The following ALKBH2 variants were observed in gnomAD, a reference collection of about 807,000 sequenced individuals.
ALKBH2 encodes DNA oxidative demethylase ALKBH2.
In ALKBH2, 19 loss-of-function variants were observed where a neutral mutation model predicts 19.7. The observed-to-expected ratio is 0.97, with a 90% CI of 0.67 to 1.42. ALKBH2 has a LOEUF of 1.42. Ranked by LOEUF, ALKBH2 falls within the 40% of genes most tolerant of loss-of-function variation. The pLI is 0.00. For missense variants in ALKBH2, 310 were observed against 328.5 expected, an observed-to-expected ratio of 0.94 and a Z score of 0.43; for synonymous variants, 135 against 131.2, an observed-to-expected ratio of 1.03 and a Z score of -0.20.
rs1555264109 is a variant in ALKBH2, at chr12:109,092,496, C to CCT, written c.280+9_280+10dup. 11 of 1,557,696 alleles carry CCT rather than the reference C, an allele frequency of 7.1e-6. No individual in the cohort carries two copies. The highest frequency in any genetic ancestry group is 9.6e-6 in the Non-Finnish European group (11 of 1,150,602). On this transcript the variant is annotated intron_variant, in intron 2 of 3. Coordinates refer to ENST00000429722, the MANE Select transcript of ALKBH2 (RefSeq NM_001145374.2). ...ATGCACACACACACACACACACACC[C>CCT]CTCTGCTTACCTGTAAAATATTCTA... is the stretch of plus-strand genomic sequence containing the variant.
chr12:109,091,255 G>A (rs993834277), intron 2 of ALKBH2, among the ~76,000 whole-genome samples: 11 of 152,280 alleles, frequency 7.2e-5, no homozygotes, highest in African/African-American at 2.6e-4. Flanking sequence ...GCTTGGTGGT[G>A]TACATCTGTG....
intron 2 of ALKBH2, chr12:109,092,139 TAAAC>T (rs1466657154): frequency 5.8e-6 from 1 of 172,520 alleles, no homozygotes; most frequent in Non-Finnish European, 1.2e-5. Flanking sequence ...GGAAGCTTTT[TAAAC>T]AAACAAGTGG....
In ALKBH2 at chr12:109,092,654, C is replaced by T. The variant is rs573894170; in HGVS notation, c.133G>A (p.Ala45Thr). The change falls in exon 2 of 4, where the codon GCC (alanine) becomes ACC (threonine). Residue 45 changes from alanine (A) to threonine (T), a missense_variant. Ala to Thr is a moderately conservative substitution (Grantham distance 58). Coordinates refer to ENST00000429722, the MANE Select transcript of ALKBH2 (RefSeq NM_001145374.2). ...GCTGAGTGGCCTCCATTCCCTGGGG[C>T]CTCTCTCCTGGGCCTCTTCCTTGTG... ...ESTRKRPRRE[A>T]PGNGGHSAGP... The T allele has an allele frequency of 6.2e-7, 1 of 1,613,854 alleles. No homozygotes were observed. The highest frequency in any genetic ancestry group is 1.1e-5 in the South Asian group (1 of 91,036).
Position 109,090,274 on chromosome 12 carries a change from C to T in ALKBH2, c.281-67G>A, listed in dbSNP as rs1264029616. 4.9e-6 allele frequency: 7 copies of T among 1,439,004 alleles called. No individual in the cohort carries two copies. The East Asian group carries it at 9.3e-5, about 19-fold the overall frequency. The allele number at this position is 1,439,004 out of a possible 1,614,324, so 89.1% of individuals were successfully genotyped here. A position where few individuals can be genotyped will look rare whatever the true frequency, so the allele number is the denominator to read the frequency against. On this transcript the variant is annotated intron_variant, in intron 2 of 3. Transcript: ENST00000429722. ...CATCTAGAAATCCAGATGCCCCCCC[C>T]AACCCGCACTGCCATCACCAGAAAT...
intron 2 of ALKBH2, among the ~76,000 whole-genome samples, chr12:109,091,534 GT>G (rs1157873045): frequency 6.6e-6 from 1 of 151,856 alleles, no homozygotes; most frequent in East Asian, 1.9e-4. Flanking sequence ...GTGGGCTTTC[GT>G]TTTTTGTTTT....
In ALKBH2 at chr12:109,090,239, A is replaced by G. The variant is rs567142097; in HGVS notation, c.281-32T>C. The G allele has an allele frequency of 1.9e-6, 3 of 1,600,860 alleles. No individual in the cohort carries two copies. The South Asian group carries it at 3.3e-5, about 18-fold the overall frequency. ...AGAGGAAACATGGCAGTTCCTTTCT[A>G]CCTGACCCCCATCTAGAAATCCAGA... is the stretch of plus-strand genomic sequence containing the variant. On this transcript the variant is annotated intron_variant, in intron 2 of 3. Coordinates refer to ENST00000429722, the MANE Select transcript of ALKBH2 (RefSeq NM_001145374.2).
At chr12:109,089,906 GA>G in intron 3 of ALKBH2, 102 bp downstream of exon 3, 1 of 1,275,050 alleles carries the variant, frequency 7.8e-7, no homozygotes. Context: ...AGTGTACTAA[GA>G]AATGATTTGT....
chr12:109,088,308 G>A lies in ALKBH2; in HGVS notation c.684C>T (p.His228=). The A allele has an allele frequency of 3.7e-6, 6 of 1,614,186 alleles. No homozygotes were observed. Among genetic ancestry groups the A allele is most frequent in the Non-Finnish European group, 5.1e-6 (6 of 1,180,034 alleles). The part of the protein sequence containing the change: ...LAHGSLLMMN[H]PTNTHWYHSL... ...TGTGGTACCAGTGCGTGTTGGTCGG[G>A]TGGTTCATCATTAGTAAGCTCCCGT... The change falls in exon 4 of 4, where the codon CAC becomes CAT. Residue 228 remains histidine, a synonymous_variant. Coordinates refer to ENST00000429722, the MANE Select transcript of ALKBH2 (RefSeq NM_001145374.2). This position sits in a 1 kb window ranked among gnomAD's most constrained non-coding sequence, Gnocchi z 4.2.
In ALKBH2 at chr12:109,092,865, A is replaced by C; in HGVS notation, c.-79T>G. On this transcript the variant is annotated 5_prime_UTR_variant, in exon 2 of 4. Coordinates refer to ENST00000429722, the MANE Select transcript of ALKBH2 (RefSeq NM_001145374.2). ...CTCAAGTTCTATCCCCAGTGCAAAA[A>C]TCTGTTTGTCCAAGGGGTCTCACAG... 1 of 1,521,158 alleles carries C rather than the reference A, an allele frequency of 6.6e-7. No homozygotes were observed. Among genetic ancestry groups the C allele is most frequent in the Non-Finnish European group, 8.8e-7 (1 of 1,137,808 alleles). 94.2% of individuals were successfully genotyped at this position (1,521,158 alleles called of 1,614,324 possible).
At chr12:109,092,447 T>C in intron 2 of ALKBH2, 60 bp downstream of exon 2, 1 of 1,470,400 alleles carries the variant, frequency 6.8e-7, no homozygotes, top group Non-Finnish European at 9.0e-7. Context: ...CATACGATCA[T>C]TAATTGCACC....
chr12:109,090,264 A>AT, intron 2 of ALKBH2, 57 bp from the exon 3 acceptor site: 1 of 1,531,136 alleles, frequency 6.5e-7, no homozygotes, highest in South Asian at 1.1e-5. Flanking sequence ...AGAAATCCAG[A>AT]TGCCCCCCCC....
intron 2 of ALKBH2, among the ~76,000 whole-genome samples, chr12:109,090,866 C>T (rs952837577): frequency 6.6e-6 from 1 of 152,218 alleles, no homozygotes; most frequent in African/African-American, 2.4e-5. Context: ...CATGTAAGAA[C>T]AGTGACTCTT....
chr12:109,090,187 C>A lies in ALKBH2; in HGVS notation c.301G>T (p.Val101Leu). ...GGCACACTGTGCCACTTCCCGAATA[C>A]CTGGACTCTGGCCAGTGCTCCTGTG... Reference protein sequence around the residue: ...YFTGALARVQVFGKWHSVPRK... With the variant: ...YFTGALARVQLFGKWHSVPRK... The change falls in exon 3 of 4, where the codon GTA (valine) becomes TTA (leucine). Residue 101 changes from valine to leucine, a missense_variant. By Grantham distance (32) the Val-to-Leu change is conservative. Coordinates refer to ENST00000429722, the MANE Select transcript of ALKBH2 (RefSeq NM_001145374.2). 6.2e-7 allele frequency: 1 copy of A among 1,613,890 alleles called. No homozygotes were observed. The highest frequency in any genetic ancestry group is 1.3e-5 in the African/African-American group (1 of 75,050).
Position 109,090,272 on chromosome 12 carries a change from C to T in ALKBH2, c.281-65G>A, listed in dbSNP as rs988230494. 40 of 1,472,120 alleles carry T rather than the reference C, an allele frequency of 2.7e-5. No individual in the cohort carries two copies. In the South Asian group the frequency reaches 4.5e-4, roughly 17 times the overall value. The allele number at this position is 1,472,120 out of a possible 1,614,324, so 91.2% of individuals were successfully genotyped here. ...CCCATCTAGAAATCCAGATGCCCCC[C>T]CCAACCCGCACTGCCATCACCAGAA... is the stretch of plus-strand genomic sequence containing the variant. On this transcript the variant is annotated intron_variant, in intron 2 of 3. Coordinates refer to ENST00000429722, the MANE Select transcript of ALKBH2 (RefSeq NM_001145374.2).
chr12:109,090,659 C>T (rs2042048071), intron 2 of ALKBH2, among the ~76,000 whole-genome samples: 1 of 152,226 alleles, frequency 6.6e-6, no homozygotes, highest in South Asian at 2.1e-4. Context: ...CCTCAGCCTC[C>T]TGAGTAGCTG....
intron 2 of ALKBH2, among the ~76,000 whole-genome samples, chr12:109,090,760 T>C (rs2042049190): frequency 6.6e-6 from 1 of 152,200 alleles, no homozygotes; most frequent in Admixed American, 6.5e-5. Context: ...AGACTGGTCT[T>C]GAACTCCTGG....
intron 2 of ALKBH2, 70 bp from the exon 3 acceptor site, chr12:109,090,277 C>A: frequency 7.2e-7 from 1 of 1,393,962 alleles, no homozygotes; most frequent in Non-Finnish European, 1.0e-6. Flanking sequence ...CCCCCCCCAA[C>A]CCGCACTGCC....
Position 109,088,441 on chromosome 12 carries a change from A to AT in ALKBH2, c.550dup (p.Ile184AsnfsTer17). ...GCAGGCACCGAAGGAGACAGAGGCAATGGGGCTCCCAGGGGCCAGTTCTCT... is the reference window on the plus strand; with the variant it reads ...GCAGGCACCGAAGGAGACAGAGGCAATTGGGGCTCCCAGGGGCCAGTTCTCT... On this transcript the variant is annotated frameshift_variant, in exon 4 of 4. Transcript: ENST00000429722. LOFTEE classifies it high-confidence loss of function. The surrounding 1 kb of genome is among the most constrained non-coding windows in gnomAD (Gnocchi z 4.2). 1 of 1,613,454 alleles carries AT rather than the reference A, an allele frequency of 6.2e-7. No individual in the cohort carries two copies. Among genetic ancestry groups the AT allele is most frequent in the Non-Finnish European group, 8.5e-7 (1 of 1,179,704 alleles).
chr12:109,092,412 G>A, intron 2 of ALKBH2, 95 bp downstream of exon 2: 2 of 1,419,924 alleles, frequency 1.4e-6, no homozygotes, highest in East Asian at 2.6e-5. Context: ...GTAAATAATG[G>A]ATCCTGAGTT....
Sources: gnomAD v4.1 joint callset for allele counts (sites outside exome capture counted in the v4.1 genomes callset) on GRCh38, gnomAD v4.1.1 for gene constraint, Gnocchi (gnomAD v3.1) non-coding constraint, MANE v1.5 for transcripts, NCBI Gene and HGNC (gene_info 2026-07-23, HGNC 2026-07-21) for gene names.